The following CNN3 variants were observed in gnomAD, a reference collection of about 807,000 sequenced individuals.
CNN3 encodes the protein calponin-3.
Under a neutral mutation model 39.0 loss-of-function variants are expected in CNN3, and 11 were observed. The observed-to-expected ratio is 0.28, with a 90% confidence interval of 0.18 to 0.47. The LOEUF (loss-of-function observed/expected upper bound fraction) is 0.47. Ranked by LOEUF, CNN3 falls within the 20% of genes least tolerant of loss-of-function variation. The pLI is 0.99. For synonymous variants in CNN3, 101 were observed against 138.3 expected (o/e 0.73, Z 1.89); for missense variants, 266 against 403.4 (o/e 0.66, Z 2.92).
Position 94,918,847 on chromosome 1 carries a change from C to G in CNN3, c.57+7991G>C, listed in dbSNP as rs139361143. Among the ~76,000 whole-genome samples, 33 of 150,306 alleles carry G rather than the reference C, an allele frequency of 2.2e-4. 2 individuals carry two copies. The East Asian group carries it at 6.3e-3, about 29-fold the overall frequency. Reference sequence around the variant, plus strand: ...AGGTAGAGTTGCAGTGAGCCAAGATCGTGCCACTGTACTCCAGCCCAGGTG... The same window carrying G: ...AGGTAGAGTTGCAGTGAGCCAAGATGGTGCCACTGTACTCCAGCCCAGGTG... On this transcript the variant is annotated intron_variant, in intron 1 of 6. Coordinates refer to ENST00000370206, the MANE Select transcript of CNN3 (RefSeq NM_001839.5).
intron 1 of CNN3, among the ~76,000 whole-genome samples, chr1:94,912,495 G>C (rs1382558359): frequency 2.0e-5 from 3 of 152,150 alleles, no homozygotes; most frequent in African/African-American, 7.2e-5. Context: ...TGGGGAGAGA[G>C]TGTGCAAGCA....
Position 94,926,989 on chromosome 1 carries a change from G to C in CNN3, c.-95C>G. ...GGCCCCGAGGAGTGGCCGCCGCGGG[G>C]GATGCTCGAACTCCCTCCTCTGGGA... is the stretch of plus-strand genomic sequence containing the variant. On this transcript the variant is annotated 5_prime_UTR_variant, in exon 1 of 7. Transcript: ENST00000370206. The surrounding 1 kb of genome is among the most constrained non-coding windows in gnomAD (Gnocchi z 4.2). The C allele has an allele frequency of 7.2e-7, 1 of 1,388,320 alleles. No homozygotes were observed. The highest frequency in any genetic ancestry group is 1.5e-5 in the African/African-American group (1 of 68,400). The allele number at this position is 1,388,320 out of a possible 1,614,324, so 86.0% of individuals were successfully genotyped here. A position where few individuals can be genotyped will look rare whatever the true frequency, so the allele number is the denominator to read the frequency against.
In CNN3 at chr1:94,897,963, C is replaced by G. The variant is rs769288428; in HGVS notation, c.769G>C (p.Gly257Arg). 6.2e-7 allele frequency: 1 copy of G among 1,614,092 alleles called. No individual in the cohort carries two copies. The highest frequency in any genetic ancestry group is 8.5e-7 in the Non-Finnish European group (1 of 1,179,994). The part of the protein sequence containing the change: ...MGTNKVASQK[G>R]MSVYGLGRQV... ...CGCCCAAGCCCATACACACTCATTC[C>G]TTTCTGGGAAGCAACTTTGTTGGTA... The change falls in exon 7 of 7, where the codon GGA becomes CGA. Residue 257 changes from glycine to arginine, a missense_variant. Physicochemically the swap from Gly to Arg is moderately radical, Grantham distance 125. Coordinates refer to ENST00000370206, the MANE Select transcript of CNN3 (RefSeq NM_001839.5).
intron 1 of CNN3, among the ~76,000 whole-genome samples, chr1:94,920,148 C>A (rs946461761): frequency 3.9e-5 from 6 of 152,212 alleles, no homozygotes; most frequent in Non-Finnish European, 1.5e-5. Flanking sequence ...TAAGCAAGAC[C>A]TCTAGCTCTA....
chr1:94,925,902 G>A, intron 1 of CNN3: 1 of 800,044 alleles, frequency 1.2e-6, no homozygotes, highest in Non-Finnish European at 1.5e-6. Flanking sequence ...GATGTCATGG[G>A]CTTGGAATGC....
At chr1:94,925,941 G>A (rs1671564984) in intron 1 of CNN3, 1 of 481,510 alleles carries the variant, frequency 2.1e-6, no homozygotes, top group Non-Finnish European at 2.7e-6. Flanking sequence ...GAGAGGATTT[G>A]GGGAGGGGGA....
Position 94,903,640 on chromosome 1 carries a change from A to G in CNN3, c.58-116T>C, listed in dbSNP as rs1670925047. 2.9e-6 allele frequency: 4 copies of G among 1,377,820 alleles called. No homozygotes were observed. The South Asian group carries it at 5.2e-5, about 18-fold the overall frequency. 85.3% of individuals were successfully genotyped at this position (1,377,820 alleles called of 1,614,324 possible). On this transcript the variant is annotated intron_variant, in intron 1 of 6. Transcript: ENST00000370206. ...AGACCACAGCTGTGAAGTGTAGTAA[A>G]TGACACTCAATAGATCTCAATGGCA...
chr1:94,898,770 G>A (rs1054493162), intron 6 of CNN3, among the ~76,000 whole-genome samples: 2 of 152,200 alleles, frequency 1.3e-5, no homozygotes, highest in Admixed American at 6.5e-5. Context: ...TAAGGGCAAA[G>A]TTTGATAAAT....
At chr1:94,907,466 T>C (rs553331055) in intron 1 of CNN3, among the ~76,000 whole-genome samples, 2 of 152,342 alleles carry the variant, frequency 1.3e-5, no homozygotes, top group Admixed American at 1.3e-4. Flanking sequence ...AGAAAAACGC[T>C]GACATTTTCT....
At chr1:94,909,798 C>T (rs1273167060) in intron 1 of CNN3, among the ~76,000 whole-genome samples, 7 of 151,966 alleles carry the variant, frequency 4.6e-5, no homozygotes. Flanking sequence ...GACCCAAAAG[C>T]TCGATTCCTG....
At chr1:94,922,927 G>A (rs1671484110) in intron 1 of CNN3, among the ~76,000 whole-genome samples, 1 of 152,134 alleles carries the variant, frequency 6.6e-6, no homozygotes, top group South Asian at 2.1e-4. Flanking sequence ...ACATTCCAAG[G>A]GGGCAGAAGA....
At chr1:94,905,040 C>T (rs1033291967) in intron 1 of CNN3, among the ~76,000 whole-genome samples, 1 of 152,078 alleles carries the variant, frequency 6.6e-6, no homozygotes, top group African/African-American at 2.4e-5. Context: ...CACGGAGGAA[C>T]CAAGCAGAAC....
At chr1:94,913,808 G>A (rs375782214) in intron 1 of CNN3, among the ~76,000 whole-genome samples, 2 of 152,152 alleles carry the variant, frequency 1.3e-5, no homozygotes, top group East Asian at 1.9e-4. Flanking sequence ...GGAAATATAT[G>A]GAGAAATTCC....
At chr1:94,922,818 A>C (rs965549090) in intron 1 of CNN3, among the ~76,000 whole-genome samples, 1 of 152,356 alleles carries the variant, frequency 6.6e-6, no homozygotes, top group African/African-American at 2.4e-5. Context: ...CAACAACCAA[A>C]GATTTTGGTA....
At chr1:94,905,531 G>C (rs563844808) in intron 1 of CNN3, among the ~76,000 whole-genome samples, 13 of 152,306 alleles carry the variant, frequency 8.5e-5, no homozygotes. Flanking sequence ...GTGGCATTAG[G>C]GAGATGGCAG....
At chr1:94,920,621 A>ATACATTT (rs1419464896) in intron 1 of CNN3, among the ~76,000 whole-genome samples, 1 of 152,150 alleles carries the variant, frequency 6.6e-6, no homozygotes, top group Admixed American at 6.5e-5. Context: ...TTTTACATAC[A>ATACATTT]AGACAGGCAG....
At chr1:94,908,497 T>G (rs1671072755) in intron 1 of CNN3, among the ~76,000 whole-genome samples, 1 of 152,246 alleles carries the variant, frequency 6.6e-6, no homozygotes, top group Non-Finnish European at 1.5e-5. Context: ...TCTTTAGCCC[T>G]CACTTTCTTT....
At chr1:94,919,066 GGAA>G (rs934651746) in intron 1 of CNN3, among the ~76,000 whole-genome samples, 2 of 152,092 alleles carry the variant, frequency 1.3e-5, no homozygotes, top group Non-Finnish European at 2.9e-5. Context: ...AAGAAGGGGG[GGAA>G]GCTCAGAGAT....
chr1:94,908,914 G>T (rs748676251), intron 1 of CNN3, among the ~76,000 whole-genome samples: 6 of 151,766 alleles, frequency 4.0e-5, no homozygotes, highest in Non-Finnish European at 7.4e-5. Context: ...GGAGGCTGAG[G>T]CAGGAGGAAT....
Sources: gnomAD v4.1 joint callset for allele counts (sites outside exome capture counted in the v4.1 genomes callset) on GRCh38, gnomAD v4.1.1 for gene constraint, Gnocchi (gnomAD v3.1) non-coding constraint, MANE v1.5 for transcripts, NCBI Gene and HGNC (gene_info 2026-07-23, HGNC 2026-07-21) for gene names.